The following THADA variants were observed in gnomAD, a reference collection of about 807,000 sequenced individuals.
The protein encoded by THADA is THADA armadillo repeat containing.
Under a neutral mutation model 219.8 loss-of-function variants are expected in THADA, and 213 were observed. The observed-to-expected ratio is 0.97, with a 90% confidence interval of 0.87 to 1.09. THADA has a LOEUF of 1.09. THADA is among the 50% of genes least tolerant of loss of function. THADA has a pLI of 0.00. For missense variants in THADA, 2,956 were observed against 2,311.3 expected (o/e 1.28, Z -5.72); for synonymous variants, 1,018 against 828.9 (o/e 1.23, Z -3.92).
intron 30 of THADA, among the ~76,000 whole-genome samples, chr2:43,335,166 A>G (rs1666266605): frequency 6.6e-6 from 1 of 152,144 alleles, no homozygotes; most frequent in Non-Finnish European, 1.5e-5. Context: ...CTTCATTCTA[A>G]TAAGATTCCC....
intron 11 of THADA, 56 bp from the exon 12 acceptor site, chr2:43,573,048 T>A: frequency 2.3e-6 from 3 of 1,319,844 alleles, no homozygotes; most frequent in East Asian, 2.6e-5. Context: ...ACTATAATTA[T>A]CAGCTGCTAA....
chr2:43,393,395 C>T (rs900982716), intron 29 of THADA, among the ~76,000 whole-genome samples: 32 of 152,206 alleles, frequency 2.1e-4, no homozygotes, highest in African/African-American at 7.7e-4. Context: ...AAAATAGGAA[C>T]ACAGGCTTTA....
At chr2:43,283,551 C>G (rs1471166176) in intron 35 of THADA, among the ~76,000 whole-genome samples, 1 of 152,178 alleles carries the variant, frequency 6.6e-6, no homozygotes, top group Non-Finnish European at 1.5e-5. Flanking sequence ...AGATGAGGAA[C>G]TTATTGGGAA....
intron 26 of THADA, among the ~76,000 whole-genome samples, chr2:43,442,437 G>C (rs919279226): frequency 6.6e-6 from 1 of 152,052 alleles, no homozygotes; most frequent in Admixed American, 6.6e-5. Flanking sequence ...GAGACTCGGA[G>C]TTGCAAAGAC....
In THADA at chr2:43,356,495, T is replaced by C. The variant is rs552623454; in HGVS notation, c.4228-12258A>G. Among the ~76,000 whole-genome samples, 29 of 152,162 alleles carry C rather than the reference T, an allele frequency of 1.9e-4. No individual in the cohort carries two copies. The South Asian group carries it at 5.8e-3, about 30-fold the overall frequency. ...AAAAACTACTATGAAGATTAAAAAG[T>C]AAAGGGAAACCAGGGGTAAAATATC... On this transcript the variant is annotated intron_variant, in intron 29 of 37. Coordinates refer to ENST00000405975, the MANE Select transcript of THADA (RefSeq NM_022065.5).
chr2:43,460,636 A>C (rs1683528814), intron 26 of THADA, among the ~76,000 whole-genome samples: 1 of 152,216 alleles, frequency 6.6e-6, no homozygotes, highest in Non-Finnish European at 1.5e-5. Flanking sequence ...TCGTACATAA[A>C]AGATACAATT....
At chr2:43,255,429 T>C (rs557654662) in intron 36 of THADA, among the ~76,000 whole-genome samples, 1 of 152,218 alleles carries the variant, frequency 6.6e-6, no homozygotes, top group Non-Finnish European at 1.5e-5. Context: ...GAGGCTTTGA[T>C]CCTGTTCCTG....
chr2:43,234,774 C>T (rs1422681228), intron 36 of THADA, among the ~76,000 whole-genome samples: 6 of 151,876 alleles, frequency 4.0e-5, no homozygotes, highest in African/African-American at 1.5e-4. Context: ...CTGCCTTAGC[C>T]CCCAAGTAGC....
At chr2:43,480,315 A>G (rs1267566102) in intron 26 of THADA, among the ~76,000 whole-genome samples, 3 of 152,146 alleles carry the variant, frequency 2.0e-5, no homozygotes, top group African/African-American at 7.2e-5. Context: ...ACCTTCCTTC[A>G]CAACTTCTCC....
intron 21 of THADA, among the ~76,000 whole-genome samples, chr2:43,540,916 T>C (rs1239086616): frequency 1.3e-5 from 2 of 152,148 alleles, no homozygotes; most frequent in African/African-American, 4.8e-5. Flanking sequence ...AAAACTACAG[T>C]TAAAAGTGAG....
At chr2:43,298,986 G>T (rs1325245871) in intron 31 of THADA, among the ~76,000 whole-genome samples, 1 of 152,128 alleles carries the variant, frequency 6.6e-6, no homozygotes, top group Non-Finnish European at 1.5e-5. Flanking sequence ...TTTACGTGTT[G>T]AAATGGTGCC....
At chr2:43,266,492 A>G (rs1671534011) in intron 36 of THADA, among the ~76,000 whole-genome samples, 1 of 152,090 alleles carries the variant, frequency 6.6e-6, no homozygotes, top group Non-Finnish European at 1.5e-5. Context: ...AGTTGCAGCT[A>G]CTCGGGAGGC....
At chr2:43,549,692 A>G (rs1486650617) in intron 19 of THADA, among the ~76,000 whole-genome samples, 1 of 152,222 alleles carries the variant, frequency 6.6e-6, no homozygotes. Context: ...TAATCATGTC[A>G]AAGAAGTGCA....
At chr2:43,353,939 T>G (rs897237780) in intron 29 of THADA, among the ~76,000 whole-genome samples, 3 of 151,958 alleles carry the variant, frequency 2.0e-5, no homozygotes, top group Admixed American at 6.6e-5. Flanking sequence ...TGCCTCAGCC[T>G]CCCGAGTAGC....
At chr2:43,444,762 TTA>T (rs1025165023) in intron 26 of THADA, among the ~76,000 whole-genome samples, 13 of 152,058 alleles carry the variant, frequency 8.5e-5, no homozygotes, top group Non-Finnish European at 1.0e-4. Context: ...CACCCATTTC[TTA>T]TACACACATC....
chr2:43,484,771 T>C (rs541509857), intron 26 of THADA, among the ~76,000 whole-genome samples: 1 of 152,140 alleles, frequency 6.6e-6, no homozygotes, highest in Admixed American at 6.5e-5. Context: ...CACATATAGG[T>C]GCTCCTCTTA....
chr2:43,284,394 A>G (rs533541374), intron 35 of THADA, among the ~76,000 whole-genome samples: 1 of 152,150 alleles, frequency 6.6e-6, no homozygotes, highest in African/African-American at 2.4e-5. Context: ...GCTGTGACTA[A>G]AAGGGGCCAA....
intron 26 of THADA, among the ~76,000 whole-genome samples, chr2:43,448,208 G>T (rs1681831222): frequency 6.6e-6 from 1 of 152,196 alleles, no homozygotes; most frequent in Non-Finnish European, 1.5e-5. Context: ...TGGGTCTAGT[G>T]TAACTATTTT....
At chr2:43,385,388 C>T (rs575391381) in intron 29 of THADA, among the ~76,000 whole-genome samples, 4 of 152,004 alleles carry the variant, frequency 2.6e-5, no homozygotes, top group South Asian at 2.1e-4. Flanking sequence ...AGGCGGATCA[C>T]GAGGTCAGGA....
Sources: allele counts gnomAD v4.1 joint callset (sites outside exome capture counted in the v4.1 genomes callset), GRCh38; gene constraint gnomAD v4.1.1; transcripts MANE v1.5; gene names NCBI Gene and HGNC (gene_info 2026-07-23, HGNC 2026-07-21).